Variants in IRAK1BP1 observed in about 807,000 individuals in gnomAD.
IRAK1BP1 encodes interleukin-1 receptor-associated kinase 1-binding protein 1.
In IRAK1BP1, 24 loss-of-function variants were observed where a neutral mutation model predicts 28.0. The ratio of observed to expected loss-of-function variants is 0.86; its 90% CI spans 0.62 to 1.20. The LOEUF is 1.20. Among genes scored for constraint, IRAK1BP1 ranks in the 50% most tolerant of loss-of-function variants. The pLI, the probability that IRAK1BP1 is intolerant of heterozygous loss-of-function variation, is 0.00. For missense variants in IRAK1BP1, 336 were observed against 316.7 expected, an observed-to-expected ratio of 1.06 and a Z score of -0.46; for synonymous variants, 131 against 116.3, an observed-to-expected ratio of 1.13 and a Z score of -0.81.
At chr6:78,921,915 C>A (rs1176283643) in intron 4 of IRAK1BP1, among the ~76,000 whole-genome samples, 4 of 152,102 alleles carry the variant, frequency 2.6e-5, no homozygotes, top group Admixed American at 2.6e-4. Flanking sequence ...ATATCAAAAC[C>A]CCATCTGTAC....
At chr6:78,870,036 G>C (rs1770737228) in intron 1 of IRAK1BP1, among the ~76,000 whole-genome samples, 1 of 142,504 alleles carries the variant, frequency 7.0e-6, no homozygotes, top group Admixed American at 7.6e-5. Flanking sequence ...TTGAACCCAG[G>C]AGGCGGAGGT....
rs534554576 is a variant in IRAK1BP1, at chr6:78,924,503, T to TA, written c.*68-20904dup. On this transcript the variant is annotated intron_variant and NMD_transcript_variant, in intron 4 of 4. Coordinates refer to the IRAK1BP1 transcript ENST00000606868. ...TATCAGAGGTACAAAGAGGAGCTGG[T>TA]ACCATTCCTTCTGAAACTATTCCAA... is the stretch of plus-strand genomic sequence containing the variant. 2.3e-4 allele frequency among the ~76,000 whole-genome samples: 35 copies of TA among 152,284 alleles called. No individual in the cohort carries two copies. In the East Asian group the frequency reaches 6.2e-3, roughly 27 times the overall value.
At chr6:78,960,510 T>C in the IRAK1BP1 span, among the ~76,000 whole-genome samples, 2 of 151,670 alleles carry the variant, frequency 1.3e-5, no homozygotes, top group Non-Finnish European at 2.9e-5. Flanking sequence ...ACTTGAAGAA[T>C]GCTTTGAGGG....
chr6:78,946,989 T>C (rs950456274), downstream of IRAK1BP1: 1 of 570,926 alleles, frequency 1.8e-6, no homozygotes, highest in Admixed American at 4.0e-5. Flanking sequence ...TTAATTATTG[T>C]TTTTTACATC....
chr6:78,962,186 T>G, the IRAK1BP1 span, among the ~76,000 whole-genome samples: 1 of 152,138 alleles, frequency 6.6e-6, no homozygotes, highest in East Asian at 1.9e-4. Context: ...AATCTAACCT[T>G]TGACTTTCTC....
chr6:78,889,179 T>C (rs927456819), intron 2 of IRAK1BP1, among the ~76,000 whole-genome samples: 1 of 147,388 alleles, frequency 6.8e-6, no homozygotes, highest in African/African-American at 2.5e-5. Flanking sequence ...TTTGACATAA[T>C]GTCCAAAAAT....
chr6:78,906,919 T>C (rs1247621389), downstream of IRAK1BP1, among the ~76,000 whole-genome samples: 1 of 152,218 alleles, frequency 6.6e-6, no homozygotes, highest in African/African-American at 2.4e-5. Flanking sequence ...GGTAAAGATC[T>C]TCTCTGAAAG....
intron 4 of IRAK1BP1, among the ~76,000 whole-genome samples, chr6:78,913,012 G>A (rs1345610329): frequency 6.6e-6 from 1 of 152,100 alleles, no homozygotes; most frequent in Non-Finnish European, 1.5e-5. Flanking sequence ...GGTCTAAAAT[G>A]GACTGCAAAA....
chr6:78,935,714 G>A (rs1436070419), intron 4 of IRAK1BP1: 19 of 985,058 alleles, frequency 1.9e-5, no homozygotes, highest in Non-Finnish European at 2.0e-5. Context: ...AAAACACACA[G>A]GGCACTGGAA....
At chr6:78,894,609 A>G (rs1002005532) in intron 2 of IRAK1BP1, among the ~76,000 whole-genome samples, 7 of 152,208 alleles carry the variant, frequency 4.6e-5, no homozygotes, top group African/African-American at 1.4e-4. Context: ...AAATAAGTCT[A>G]CAACTTTTGT....
intron 4 of IRAK1BP1, among the ~76,000 whole-genome samples, chr6:78,908,302 CA>C (rs1772313376): frequency 1.3e-5 from 2 of 152,126 alleles, no homozygotes; most frequent in Admixed American, 1.3e-4. Context: ...CCACCCGCCT[CA>C]GCATCCCAAA....
chr6:78,963,203 C>A, the IRAK1BP1 span: 1 of 1,609,730 alleles, frequency 6.2e-7, no homozygotes, highest in Non-Finnish European at 8.5e-7. Context: ...GTGATCTGCA[C>A]TCACCATCAG....
the IRAK1BP1 span, among the ~76,000 whole-genome samples, chr6:78,965,394 G>A: frequency 1.3e-5 from 2 of 152,140 alleles, no homozygotes; most frequent in Non-Finnish European, 2.9e-5. Flanking sequence ...TAAACACTCT[G>A]CTAAAGTTAC....
At chr6:78,868,499 G>C (rs951988453) in intron 1 of IRAK1BP1, among the ~76,000 whole-genome samples, 1 of 152,088 alleles carries the variant, frequency 6.6e-6, no homozygotes, top group Non-Finnish European at 1.5e-5. Flanking sequence ...AAAAAATCAA[G>C]CCAGTATTGT....
At chr6:78,977,986 C>A in the IRAK1BP1 span, among the ~76,000 whole-genome samples, 1 of 152,038 alleles carries the variant, frequency 6.6e-6, no homozygotes, top group Non-Finnish European at 1.5e-5. Flanking sequence ...GATAACACTG[C>A]CTCTTAAAAT....
chr6:78,935,079 G>A (rs977694012), intron 4 of IRAK1BP1, among the ~76,000 whole-genome samples: 8 of 151,984 alleles, frequency 5.3e-5, no homozygotes, highest in Non-Finnish European at 7.4e-5. Context: ...TCATAAAATT[G>A]GTATTATTAC....
Position 78,898,069 on chromosome 6 carries a change from A to G in IRAK1BP1, c.518A>G (p.Gln173Arg). ...TPGSVENLRRQACLVAVENAW... is the reference protein window; with the variant it reads ...TPGSVENLRRRACLVAVENAW... ...CTCTCCATTTAATTCCTAAGACGGC[A>G]AGCCTGTCTTGTTGCTGTTGAGAAT... is the stretch of plus-strand genomic sequence containing the variant. Residue 173 changes from glutamine (Q) to arginine (R), a missense_variant, in exon 4 of 4, where the codon CAA becomes CGA. Coordinates refer to ENST00000369940, the MANE Select transcript of IRAK1BP1 (RefSeq NM_001010844.4). 1 of 1,608,732 alleles carries G rather than the reference A, an allele frequency of 6.2e-7. No individual in the cohort carries two copies.
At chr6:78,963,098 T>C in the IRAK1BP1 span, 1 of 1,592,802 alleles carries the variant, frequency 6.3e-7, no homozygotes, top group Non-Finnish European at 8.5e-7. Context: ...TTTACTTACC[T>C]AGTGTCATCA....
chr6:78,929,029 A>G (rs1772970502), intron 4 of IRAK1BP1, among the ~76,000 whole-genome samples: 1 of 152,100 alleles, frequency 6.6e-6, no homozygotes, highest in African/African-American at 2.4e-5. Context: ...GCCTCATAGT[A>G]TGAGGTTAGA....
Sources: allele counts gnomAD v4.1 joint callset (sites outside exome capture counted in the v4.1 genomes callset), GRCh38; gene constraint gnomAD v4.1.1; transcripts MANE v1.5; gene names NCBI Gene and HGNC (gene_info 2026-07-23, HGNC 2026-07-21).